The following OGDH variants were observed in gnomAD, a reference collection of about 807,000 sequenced individuals.
OGDH encodes the protein oxoglutarate dehydrogenase.
OGDH carries 38 observed loss-of-function variants against 116.6 expected under a neutral mutation model. The ratio of observed to expected loss-of-function variants is 0.33; its 90% confidence interval spans 0.25 to 0.43. The LOEUF is 0.43. Ranked by LOEUF, OGDH falls within the 20% of genes least tolerant of loss-of-function variation. OGDH has a pLI of 1.00. For missense variants in OGDH, 825 were observed against 1,357.2 expected, an observed-to-expected ratio of 0.61 and a Z score of 6.16; for synonymous variants, 488 against 533.3, an observed-to-expected ratio of 0.92 and a Z score of 1.17.
At chr7:44,635,758 G>A (rs1467075676) in intron 2 of OGDH, among the ~76,000 whole-genome samples, 2 of 151,126 alleles carry the variant, frequency 1.3e-5, no homozygotes, top group South Asian at 2.1e-4. Flanking sequence ...AGGCTGGAGT[G>A]CAGTGGCACG....
intron 2 of OGDH, among the ~76,000 whole-genome samples, chr7:44,634,339 TC>T (rs1428083960): frequency 1.3e-5 from 2 of 152,174 alleles, no homozygotes; most frequent in Admixed American, 1.3e-4. Flanking sequence ...CTTAGGGACA[TC>T]CGTTTGGGGA....
chr7:44,674,586 T>G, intron 7 of OGDH, 29 bp downstream of exon 7: 1 of 1,612,662 alleles, frequency 6.2e-7, no homozygotes, highest in Middle Eastern at 1.8e-4. Flanking sequence ...CCAACCTGGT[T>G]TCTCACCATC....
chr7:44,614,729 G>T (rs1177730566), intron 1 of OGDH, among the ~76,000 whole-genome samples: 1 of 151,838 alleles, frequency 6.6e-6, no homozygotes, highest in East Asian at 1.9e-4. Flanking sequence ...TTTTGAGGAT[G>T]CCTCTTTTAG....
chr7:44,693,857 C>T lies in OGDH; in HGVS notation c.1368C>T (p.Arg456=), dbSNP rs1788468292. Reference sequence around the variant, plus strand: ...TCACCACCGACCCTCGGATGGCCCGCTCCTCCCCCTACCCCACTGACGTGG... The same window carrying T: ...TCACCACCGACCCTCGGATGGCCCGTTCCTCCCCCTACCCCACTGACGTGG... The part of the protein sequence containing the change: ...IGFTTDPRMA[R]SSPYPTDVAR... The change falls in exon 11 of 23, where the codon CGC becomes CGT. Residue 456 remains arginine, a synonymous_variant. Coordinates refer to ENST00000222673, the MANE Select transcript of OGDH (RefSeq NM_002541.4). 6.2e-7 allele frequency: 1 copy of T among 1,607,414 alleles called. No individual in the cohort carries two copies. The highest frequency in any genetic ancestry group is 8.5e-7 in the Non-Finnish European group (1 of 1,175,066).
At chr7:44,619,767 T>C (rs1784938687) in intron 1 of OGDH, among the ~76,000 whole-genome samples, 1 of 152,196 alleles carries the variant, frequency 6.6e-6, no homozygotes, top group South Asian at 2.1e-4. Context: ...TTCATTTCTC[T>C]TGATTATATA....
chr7:44,638,767 T>G (rs1044269037), intron 2 of OGDH, among the ~76,000 whole-genome samples: 1 of 152,252 alleles, frequency 6.6e-6, no homozygotes, highest in African/African-American at 2.4e-5. Flanking sequence ...GTGAGTGGGC[T>G]TCTATCCCTT....
intron 4 of OGDH, among the ~76,000 whole-genome samples, chr7:44,659,569 G>A (rs1450625261): frequency 6.6e-6 from 1 of 152,256 alleles, no homozygotes; most frequent in East Asian, 1.9e-4. Context: ...TTCCTTATTA[G>A]CCATAGGGCT....
chr7:44,674,576 C>T lies in OGDH; in HGVS notation c.935+19C>T. The T allele has an allele frequency of 6.2e-7, 1 of 1,613,352 alleles. No homozygotes were observed. The highest frequency in any genetic ancestry group is 8.5e-7 in the Non-Finnish European group (1 of 1,179,762). On this transcript the variant is annotated intron_variant, in intron 7 of 22. Coordinates refer to ENST00000222673, the MANE Select transcript of OGDH (RefSeq NM_002541.4). ...CACACAGGTACAGCCAAGGGCGCGC[C>T]CAACCTGGTTTCTCACCATCCCTGT...
intron 1 of OGDH, among the ~76,000 whole-genome samples, chr7:44,607,853 C>T (rs188996961): frequency 1.3e-3 from 197 of 152,208 alleles, no homozygotes; most frequent in South Asian, 3.9e-3. Flanking sequence ...AGGCACGCGC[C>T]ATCACGCCCG....
intron 1 of OGDH, among the ~76,000 whole-genome samples, chr7:44,607,606 G>A (rs1245355469): frequency 6.6e-6 from 1 of 152,210 alleles, no homozygotes; most frequent in Non-Finnish European, 1.5e-5. Context: ...ACTTTGCCGT[G>A]TAGACCTAGG....
At chr7:44,695,667 C>T (rs978404828) in intron 12 of OGDH, among the ~76,000 whole-genome samples, 9 of 150,160 alleles carry the variant, frequency 6.0e-5, no homozygotes, top group Admixed American at 6.0e-4. Context: ...CGCGCCATTG[C>T]ACTCCAGCCT....
At chr7:44,621,027 G>T (rs1026201737) in intron 1 of OGDH, among the ~76,000 whole-genome samples, 1 of 152,164 alleles carries the variant, frequency 6.6e-6, no homozygotes, top group Admixed American at 6.5e-5. Flanking sequence ...AAGACCTAAT[G>T]TTGACTGGCT....
intron 1 of OGDH, among the ~76,000 whole-genome samples, chr7:44,619,319 G>C (rs1437939178): frequency 6.6e-6 from 1 of 152,206 alleles, no homozygotes; most frequent in Non-Finnish European, 1.5e-5. Context: ...ATTGACATCG[G>C]AAGTAGGAGG....
rs200113572 is a variant in OGDH at position 44,624,291 on chromosome 7, GTTTTTTT to G, written c.-27-13_-27-7del. ...CTCATTTTTAAAACCTTTCTTTCTT[GTTTTTTT>G]TTTTTTTTTTTTGTACAGGCAGTTG... On this transcript the variant is annotated intron_variant, in intron 1 of 22. Transcript: ENST00000222673. The G allele has an allele frequency of 4.6e-5, 35 of 757,796 alleles. No individual in the cohort carries two copies. The highest frequency in any genetic ancestry group is 1.0e-4 in the African/African-American group (4 of 40,046). The allele number at this position is 757,796 out of a possible 1,614,324, so 46.9% of individuals were successfully genotyped here.
At chr7:44,674,889 C>T (rs1485924069) in intron 7 of OGDH, 6 of 541,724 alleles carry the variant, frequency 1.1e-5, no homozygotes, top group Non-Finnish European at 1.7e-5. Context: ...GAAGGGGAGG[C>T]CAAGACTGTG....
intron 2 of OGDH, among the ~76,000 whole-genome samples, chr7:44,627,274 C>T (rs1357761048): frequency 6.6e-6 from 1 of 152,248 alleles, no homozygotes; most frequent in Non-Finnish European, 1.5e-5. Flanking sequence ...GGATTACAGG[C>T]GTGAGCCACG....
intron 2 of OGDH, among the ~76,000 whole-genome samples, chr7:44,626,211 C>T (rs929116341): frequency 6.1e-5 from 9 of 146,602 alleles, no homozygotes; most frequent in Non-Finnish European, 1.2e-4. Context: ...AGAAGAAGTG[C>T]TCTGTGAAAC....
At chr7:44,608,109 G>A (rs1246176933) in intron 1 of OGDH, among the ~76,000 whole-genome samples, 1 of 151,938 alleles carries the variant, frequency 6.6e-6, no homozygotes, top group African/African-American at 2.4e-5. Flanking sequence ...CCCATTTGAC[G>A]TGCACAATTT....
chr7:44,640,921 G>A (rs186974901), intron 2 of OGDH, among the ~76,000 whole-genome samples: 1 of 150,644 alleles, frequency 6.6e-6, no homozygotes, highest in Non-Finnish European at 1.5e-5. Context: ...TTGAGACAGA[G>A]TCTCGCTCTG....
Sources: allele counts gnomAD v4.1 joint callset (sites outside exome capture counted in the v4.1 genomes callset), GRCh38; gene constraint gnomAD v4.1.1; transcripts MANE v1.5; gene names NCBI Gene and HGNC (gene_info 2026-07-23, HGNC 2026-07-21).